Variants in ANK1 observed in about 807,000 individuals in gnomAD.
ANK1 encodes the protein ankyrin 1.
Under a neutral mutation model 210.4 loss-of-function variants are expected in ANK1, and 51 were observed. The ratio of observed to expected loss-of-function variants is 0.24; its 90% CI spans 0.19 to 0.31. ANK1 has a LOEUF of 0.31. Ranked by LOEUF, ANK1 falls within the 10% of genes least tolerant of loss-of-function variation. ANK1 has a pLI of 1.00. For missense variants in ANK1, 2,051 were observed against 2,504.4 expected (o/e 0.82, Z 3.86); for synonymous variants, 967 against 1,025.9 (o/e 0.94, Z 1.10).
intron 1 of ANK1, among the ~76,000 whole-genome samples, chr8:41,789,750 T>C (rs1586959149): frequency 6.6e-6 from 1 of 152,188 alleles, no homozygotes; most frequent in Non-Finnish European, 1.5e-5. Context: ...GCCAATCAAT[T>C]AACTGTTCAA....
chr8:41,818,792 A>C, intron 1 of ANK1, among the ~76,000 whole-genome samples: 1 of 152,118 alleles, frequency 6.6e-6, no homozygotes. Flanking sequence ...CAGGCAGGCA[A>C]TTAAAGTGTG....
intron 1 of ANK1, among the ~76,000 whole-genome samples, chr8:41,826,332 G>C (rs897743958): frequency 6.6e-6 from 1 of 152,168 alleles, no homozygotes; most frequent in African/African-American, 2.4e-5. Context: ...CTGTAGGAAA[G>C]GTGGGAGCTC....
rs765343832 is a variant in ANK1, at chr8:41,661,457, G to A, written c.*9C>T. 31 of 1,613,942 alleles carry A rather than the reference G, an allele frequency of 1.9e-5. No individual in the cohort carries two copies. Among genetic ancestry groups the A allele is most frequent in the South Asian group, 1.9e-4 (17 of 91,078 alleles). ...CCCGAGAGGCTACTCCAAGGAGAGCGGCTCGGGGTCACTGTTTCCCCCTTT... is the reference window on the plus strand; with the variant it reads ...CCCGAGAGGCTACTCCAAGGAGAGCAGCTCGGGGTCACTGTTTCCCCCTTT... On this transcript the variant is annotated 3_prime_UTR_variant, in exon 42 of 43. Coordinates refer to ENST00000289734, the MANE Select transcript of ANK1 (RefSeq NM_000037.4).
At chr8:41,748,340 G>A (rs1479295454) in intron 2 of ANK1, among the ~76,000 whole-genome samples, 1 of 152,192 alleles carries the variant, frequency 6.6e-6, no homozygotes, top group African/African-American at 2.4e-5. Flanking sequence ...AGAGAACTAT[G>A]TAGTTTAATA....
intron 1 of ANK1, among the ~76,000 whole-genome samples, chr8:41,803,083 GGGAAGGAAAGGAAAGGAAAGGA>G (rs1563811103): frequency 3.7e-4 from 16 of 42,876 alleles, no homozygotes; most frequent in African/African-American, 1.3e-3. Context: ...AAGGAAGGAA[GGGAAGGAAAGGAAAGGAAAGGA>G]AAGGAAAGGA....
intron 1 of ANK1, among the ~76,000 whole-genome samples, chr8:41,868,752 A>C (rs1028830854): frequency 7.9e-5 from 12 of 152,220 alleles, no homozygotes; most frequent in Admixed American, 1.3e-4. Context: ...TATTCCCTTC[A>C]AAATCTTTTT....
chr8:41,866,221 ACT>A (rs1180387513), intron 1 of ANK1, among the ~76,000 whole-genome samples: 1 of 151,878 alleles, frequency 6.6e-6, no homozygotes, highest in Non-Finnish European at 1.5e-5. Context: ...ACAGGGTCTT[ACT>A]CTGTTACCCA....
At chr8:41,697,336 GC>G (rs912468303) in intron 24 of ANK1, among the ~76,000 whole-genome samples, 136 of 152,296 alleles carry the variant, frequency 8.9e-4, no homozygotes, top group Non-Finnish European at 1.6e-3. Flanking sequence ...ATGCCAGGCT[GC>G]CCTGGCACAG....
intron 1 of ANK1, among the ~76,000 whole-genome samples, chr8:41,856,899 T>G (rs1040114306): frequency 1.0e-5 from 1 of 96,088 alleles, no homozygotes; most frequent in African/African-American, 4.8e-5. Context: ...TTTTTTTTTT[T>G]GAGACAGGGA....
At chr8:41,664,672 CT>C in intron 39 of ANK1, 1 of 894,118 alleles carries the variant, frequency 1.1e-6, no homozygotes, top group East Asian at 2.6e-5. Flanking sequence ...AACATGATCC[CT>C]GGGGGCCTCC....
intron 2 of ANK1, among the ~76,000 whole-genome samples, chr8:41,737,870 C>A (rs1563620519): frequency 6.6e-6 from 1 of 152,138 alleles, no homozygotes; most frequent in Non-Finnish European, 1.5e-5. Context: ...GACACTGTTG[C>A]CATCAAACGC....
chr8:41,761,870 C>T (rs952689948), intron 1 of ANK1, among the ~76,000 whole-genome samples: 17 of 152,116 alleles, frequency 1.1e-4, no homozygotes, highest in African/African-American at 3.9e-4. Flanking sequence ...TGCCCCACAC[C>T]ACCTCCCAGC....
intron 6 of ANK1, among the ~76,000 whole-genome samples, chr8:41,725,159 GC>G (rs1830357989): frequency 6.6e-6 from 1 of 152,246 alleles, no homozygotes; most frequent in South Asian, 2.1e-4. Context: ...CTGAAGGCAG[GC>G]CTAACCCCAC....
At position 41,716,973 on chromosome 8, in the gene ANK1, T is replaced by A; in HGVS notation, c.1384A>T (p.Lys462Ter). ...VAKYLLQNKA[K>*]VNAKAKDDQT... is the part of the protein sequence containing the mutation. ...CTCACCTTGGCCTTGGCATTGACTT[T>A]GGCTTTGTTCTGGAGTAAATATTTG... The change falls in exon 13 of 43, where the codon AAA becomes TAA. Residue 462 changes from lysine to a stop codon, truncating the protein, a stop_gained. Transcript: ENST00000289734. LOFTEE classifies it high-confidence loss of function. 1 of 1,614,202 alleles carries A rather than the reference T, an allele frequency of 6.2e-7. No homozygotes were observed. Among genetic ancestry groups the A allele is most frequent in the Non-Finnish European group, 8.5e-7 (1 of 1,180,044 alleles).
rs1402879564 is a variant in ANK1 at position 41,733,967 on chromosome 8, A to G, written c.228+4T>C. 6.2e-7 allele frequency: 1 copy of G among 1,613,862 alleles called. No individual in the cohort carries two copies. Among genetic ancestry groups the G allele is most frequent in the Admixed American group, 1.7e-5 (1 of 60,032 alleles). ...AAAGCTCCCCCACTCCCTGTGAGAC[A>G]TACCTTGGTTGTCGTTTCTAGAATG... On this transcript the variant is annotated splice_donor_region_variant and intron_variant, in intron 3 of 42. Transcript: ENST00000289734.
chr8:41,864,318 A>G (rs560116597), intron 1 of ANK1, among the ~76,000 whole-genome samples: 1 of 151,346 alleles, frequency 6.6e-6, no homozygotes, highest in Admixed American at 6.6e-5. Flanking sequence ...TATTTCTCCC[A>G]TTGGGTTATA....
At chr8:41,802,756 AAAAAGT>A (rs1282380671) in intron 1 of ANK1, among the ~76,000 whole-genome samples, 1 of 151,788 alleles carries the variant, frequency 6.6e-6, no homozygotes. Flanking sequence ...TAAAAATAGA[AAAAAGT>A]AGCCAGGTGT....
intron 2 of ANK1, among the ~76,000 whole-genome samples, chr8:41,738,202 T>TTTATCTGA (rs1833902063): frequency 6.6e-6 from 1 of 151,382 alleles, no homozygotes; most frequent in Non-Finnish European, 1.5e-5. Flanking sequence ...AGATGAGAAG[T>TTTATCTGA]GTTTAGATTC....
At chr8:41,886,836 G>T (rs945697189) in intron 1 of ANK1, among the ~76,000 whole-genome samples, 2 of 152,198 alleles carry the variant, frequency 1.3e-5, no homozygotes, top group Non-Finnish European at 2.9e-5. Context: ...AGCCACTGAA[G>T]GACTGAAAGA....
Sources: allele counts gnomAD v4.1 joint callset (sites outside exome capture counted in the v4.1 genomes callset), GRCh38; gene constraint gnomAD v4.1.1; transcripts MANE v1.5; gene names NCBI Gene and HGNC (gene_info 2026-07-23, HGNC 2026-07-21).